ZFHX3: variants seen among roughly 807,000 people sequenced by gnomAD.
The protein encoded by ZFHX3 is zinc finger homeobox 3.
Under a neutral mutation model 279.1 loss-of-function variants are expected in ZFHX3, and 42 were observed. That is an observed-to-expected ratio of 0.15 (90% CI 0.12 to 0.19). The LOEUF (loss-of-function observed/expected upper bound fraction) is 0.19, where lower values mean the gene tolerates loss of function less well. Among genes scored for constraint, ZFHX3 ranks in the 10% least tolerant of loss-of-function variants. The probability of loss-of-function intolerance (pLI) is 1.00; values close to 1 mark genes in which losing one functional copy is unlikely to be tolerated. For missense variants in ZFHX3, 4,981 were observed against 4,754.0 expected (o/e 1.05, Z -1.40); for synonymous variants, 2,293 against 1,957.8 (o/e 1.17, Z -4.52).
intron 1 of ZFHX3, among the ~76,000 whole-genome samples, chr16:73,709,401 G>GA (rs895469222): frequency 1.3e-5 from 2 of 150,562 alleles, no homozygotes; most frequent in Non-Finnish European, 3.0e-5. Flanking sequence ...AAAAAGAAAA[G>GA]AAAAAAAGAG....
Position 72,793,243 on chromosome 16 carries a change from A to G in ZFHX3, c.9427+12T>C. On this transcript the variant is annotated intron_variant, in intron 9 of 9. Coordinates refer to ENST00000268489, the MANE Select transcript of ZFHX3 (RefSeq NM_006885.4). This position sits in a 1 kb window ranked among gnomAD's most constrained non-coding sequence, Gnocchi z 4.3. ...ATTTAGCCCTGAAACAATCGCCTAG[A>G]GCAGAACCCACCTGTGTTGGATGGA... 1.2e-6 allele frequency: 2 copies of G among 1,604,480 alleles called. No individual in the cohort carries two copies. Among genetic ancestry groups the G allele is most frequent in the Non-Finnish European group, 1.7e-6 (2 of 1,175,012 alleles).
chr16:73,267,246 C>T (rs544313491), intron 4 of ZFHX3, among the ~76,000 whole-genome samples: 15 of 152,228 alleles, frequency 9.9e-5, no homozygotes, highest in South Asian at 8.3e-4. Flanking sequence ...CCATCTCTCC[C>T]TTGGGCCTGT....
intron 1 of ZFHX3, among the ~76,000 whole-genome samples, chr16:73,707,522 T>C (rs1035882792): frequency 2.2e-5 from 3 of 135,174 alleles, no homozygotes; most frequent in Admixed American, 9.0e-5. Flanking sequence ...TTCTCACTCA[T>C]AGGTGGGAAC....
At chr16:73,243,261 CTT>C (rs2144946347) in intron 5 of ZFHX3, among the ~76,000 whole-genome samples, 1 of 152,316 alleles carries the variant, frequency 6.6e-6, no homozygotes, top group Non-Finnish European at 1.5e-5. Context: ...AGAGATAAAT[CTT>C]TGCTATAAAT....
intron 1 of ZFHX3, among the ~76,000 whole-genome samples, chr16:72,988,930 C>A (rs1336377327): frequency 6.6e-6 from 1 of 152,164 alleles, no homozygotes; most frequent in Non-Finnish European, 1.5e-5. Flanking sequence ...AATTCCAGCA[C>A]TTTGGGAGGC....
intron 8 of ZFHX3, among the ~76,000 whole-genome samples, chr16:73,068,208 T>C (rs572961496): frequency 3.3e-5 from 5 of 152,212 alleles, no homozygotes; most frequent in Non-Finnish European, 7.3e-5. Context: ...ATTAAGTGGC[T>C]CAGCTTGAAT....
chr16:73,332,815 G>T (rs895323886), intron 3 of ZFHX3, among the ~76,000 whole-genome samples: 2 of 152,196 alleles, frequency 1.3e-5, no homozygotes, highest in South Asian at 2.1e-4. Context: ...CAACAAGAGT[G>T]GTGGCAAGAG....
chr16:73,108,866 TG>T (rs1966336925), intron 7 of ZFHX3, among the ~76,000 whole-genome samples: 1 of 152,268 alleles, frequency 6.6e-6, no homozygotes, highest in Non-Finnish European at 1.5e-5. Flanking sequence ...CTGCCTGCCC[TG>T]CAGGCCTGGT....
chr16:73,847,219 C>T (rs977923066), intron 1 of ZFHX3, among the ~76,000 whole-genome samples: 2 of 152,130 alleles, frequency 1.3e-5, no homozygotes, highest in Non-Finnish European at 2.9e-5. Flanking sequence ...GAGAATCACT[C>T]AAACCCAGGA....
At chr16:73,819,836 G>A (rs1960682981) in intron 1 of ZFHX3, among the ~76,000 whole-genome samples, 1 of 152,118 alleles carries the variant, frequency 6.6e-6, no homozygotes, top group African/African-American at 2.4e-5. Context: ...TGAATAGTAA[G>A]ATCTTCCCCA....
intron 8 of ZFHX3, among the ~76,000 whole-genome samples, chr16:73,070,121 T>C (rs1008169191): frequency 6.6e-6 from 1 of 152,170 alleles, no homozygotes; most frequent in African/African-American, 2.4e-5. Context: ...AAAGTCATTG[T>C]ACCTTTTTTC....
intron 2 of ZFHX3, among the ~76,000 whole-genome samples, chr16:73,502,954 C>A (rs1005771985): frequency 2.0e-5 from 3 of 152,222 alleles, no homozygotes; most frequent in African/African-American, 7.2e-5. Context: ...ACTCTAACCA[C>A]GATGGCAATC....
At chr16:73,820,246 C>A (rs919415850) in intron 1 of ZFHX3, among the ~76,000 whole-genome samples, 39 of 152,116 alleles carry the variant, frequency 2.6e-4, no homozygotes, top group Admixed American at 2.2e-3. Context: ...CCCACCACCA[C>A]ACTTGGCTAA....
chr16:73,150,127 C>A (rs1966904547), intron 5 of ZFHX3, among the ~76,000 whole-genome samples: 2 of 152,166 alleles, frequency 1.3e-5, no homozygotes, highest in South Asian at 4.1e-4. Context: ...GTAGAACAGA[C>A]ACAACCGCAG....
At chr16:73,145,381 G>T (rs1966858566) in intron 5 of ZFHX3, among the ~76,000 whole-genome samples, 1 of 152,204 alleles carries the variant, frequency 6.6e-6, no homozygotes, top group African/African-American at 2.4e-5. Flanking sequence ...CTAATAGAGT[G>T]TCAGCTAACA....
intron 3 of ZFHX3, among the ~76,000 whole-genome samples, chr16:73,408,917 C>T (rs953156261): frequency 2.6e-5 from 4 of 152,002 alleles, no homozygotes; most frequent in Non-Finnish European, 4.4e-5. Flanking sequence ...TAGACATGAA[C>T]GCCAAAGATT....
At chr16:73,135,861 C>CT (rs71391493) in intron 6 of ZFHX3, among the ~76,000 whole-genome samples, 6,532 of 143,608 alleles carry the variant, frequency 0.045, 325 homozygotes, top group African/African-American at 0.12. Context: ...TATTTATATT[C>CT]TTTTTTTTTT....
intron 1 of ZFHX3, among the ~76,000 whole-genome samples, chr16:73,023,104 A>G (rs1275275929): frequency 6.6e-6 from 1 of 152,164 alleles, no homozygotes; most frequent in Non-Finnish European, 1.5e-5. Flanking sequence ...GCCCATGCCT[A>G]TGATTCCAGC....
chr16:73,730,316 C>G lies in ZFHX3; in HGVS notation c.-1607-50076G>C, dbSNP rs374940838. ...CTCAAATTCTGTTACAACAAAATCACTCAATGATCAACCCTTGAATAACAC... is the reference window on the plus strand; with the variant it reads ...CTCAAATTCTGTTACAACAAAATCAGTCAATGATCAACCCTTGAATAACAC... On this transcript the variant is annotated intron_variant, in intron 1 of 17. Transcript: ENST00000641206. Among the ~76,000 whole-genome samples the G allele has an allele frequency of 4.9e-5, 6 of 123,024 alleles. No homozygotes were observed. The East Asian group carries it at 9.5e-4, about 19-fold the overall frequency. The allele number at this position is 123,024 out of a possible 152,430, so 80.7% of individuals were successfully genotyped here.
Sources: gnomAD v4.1 joint callset for allele counts (sites outside exome capture counted in the v4.1 genomes callset) on GRCh38, gnomAD v4.1.1 for gene constraint, Gnocchi (gnomAD v3.1) non-coding constraint, MANE v1.5 for transcripts, NCBI Gene and HGNC (gene_info 2026-07-23, HGNC 2026-07-21) for gene names.